KIAA1328: variants seen among roughly 807,000 people sequenced by gnomAD.
KIAA1328 encodes the protein KIAA1328.
Under a neutral mutation model 68.1 loss-of-function variants are expected in KIAA1328, and 52 were observed. The observed-to-expected ratio is 0.76, with a 90% CI of 0.61 to 0.96. The LOEUF (loss-of-function observed/expected upper bound fraction) is 0.96. Among genes scored for constraint, KIAA1328 ranks in the 40% least tolerant of loss-of-function variants. The pLI, the probability that KIAA1328 is intolerant of heterozygous loss-of-function variation, is 0.00. For synonymous variants in KIAA1328, 232 were observed against 239.4 expected (o/e 0.97, Z 0.28); for missense variants, 641 against 677.6 (o/e 0.95, Z 0.60).
At chr18:37,064,617 T>G (rs963134122) in intron 6 of KIAA1328, among the ~76,000 whole-genome samples, 10 of 146,018 alleles carry the variant, frequency 6.8e-5, no homozygotes, top group African/African-American at 2.3e-4. Flanking sequence ...TGCAAGAGAC[T>G]TTGCAGATGT....
intron 5 of KIAA1328, among the ~76,000 whole-genome samples, chr18:36,947,057 G>A (rs117084375): frequency 0.034 from 5,140 of 152,176 alleles, 110 homozygotes; most frequent in Middle Eastern, 0.085. Context: ...CCAGCTACTC[G>A]GGAGGCTGAA....
chr18:36,915,841 A>C (rs576693404), intron 5 of KIAA1328, among the ~76,000 whole-genome samples: 1 of 152,322 alleles, frequency 6.6e-6, no homozygotes, highest in Non-Finnish European at 1.5e-5. Context: ...TTCATCCTAC[A>C]GAAATGAAAA....
intron 9 of KIAA1328, among the ~76,000 whole-genome samples, chr18:37,209,264 G>A (rs904911519): frequency 2.0e-5 from 3 of 152,246 alleles, no homozygotes; most frequent in African/African-American, 4.8e-5. Flanking sequence ...AGTTGCCCAC[G>A]GAAGGTGCTG....
intron 6 of KIAA1328, among the ~76,000 whole-genome samples, chr18:37,006,271 T>C (rs2053778888): frequency 6.6e-6 from 1 of 152,080 alleles, no homozygotes; most frequent in African/African-American, 2.4e-5. Flanking sequence ...GGGTTTTTTT[T>C]TCCCAAAAGT....
At chr18:36,917,787 A>G (rs2049764661) in intron 5 of KIAA1328, among the ~76,000 whole-genome samples, 2 of 152,144 alleles carry the variant, frequency 1.3e-5, no homozygotes, top group African/African-American at 4.8e-5. Context: ...TTTCTGATTT[A>G]ACAACAGATA....
chr18:37,133,727 G>A lies in KIAA1328; in HGVS notation c.1233-26473G>A, dbSNP rs377284342. ...TTTTTAGTAGAGACAGGGTTTCACC[G>A]TGTTAGCCAGGATGGTCTCCATCCC... On this transcript the variant is annotated intron_variant, in intron 7 of 9. Transcript: ENST00000280020. Among the ~76,000 whole-genome samples, 16 of 151,848 alleles carry A rather than the reference G, an allele frequency of 1.1e-4. No homozygotes were observed. In the East Asian group the frequency reaches 1.2e-3, roughly 11 times the overall value.
At chr18:37,052,449 C>G (rs191535022) in intron 6 of KIAA1328, among the ~76,000 whole-genome samples, 240 of 152,138 alleles carry the variant, frequency 1.6e-3, no homozygotes, top group Admixed American at 2.4e-3. Flanking sequence ...GTATGTTCAC[C>G]TCACCATTCC....
chr18:37,011,221 G>T (rs951110939), intron 6 of KIAA1328, among the ~76,000 whole-genome samples: 1 of 152,102 alleles, frequency 6.6e-6, no homozygotes, highest in Admixed American at 6.6e-5. Context: ...GTGCATATGT[G>T]ATCTGTCCAC....
At chr18:37,202,319 C>G (rs1235292265) in intron 9 of KIAA1328, among the ~76,000 whole-genome samples, 3 of 152,124 alleles carry the variant, frequency 2.0e-5, no homozygotes, top group Non-Finnish European at 2.9e-5. Context: ...AATTCCTGCT[C>G]TGCTTTATAT....
At chr18:37,180,058 CCACACACACACACACACACA>C (rs139301794) in intron 9 of KIAA1328, among the ~76,000 whole-genome samples, 20 of 134,166 alleles carry the variant, frequency 1.5e-4, no homozygotes, top group South Asian at 2.7e-4. Flanking sequence ...GATTCAAAAG[CCACACACACACACACACACA>C]CACACACACA....
At chr18:37,139,747 T>C (rs1159476474) in intron 7 of KIAA1328, among the ~76,000 whole-genome samples, 1 of 152,218 alleles carries the variant, frequency 6.6e-6, no homozygotes, top group East Asian at 1.9e-4. Flanking sequence ...ATGAGACTTT[T>C]CCTCCAGTAA....
intron 7 of KIAA1328, among the ~76,000 whole-genome samples, chr18:37,090,244 A>G (rs987015779): frequency 2.0e-5 from 3 of 152,164 alleles, no homozygotes; most frequent in African/African-American, 7.2e-5. Context: ...ATATTTTAAA[A>G]ACAGTATTTT....
chr18:37,159,904 G>A (rs1298728821), intron 7 of KIAA1328, among the ~76,000 whole-genome samples: 2 of 152,102 alleles, frequency 1.3e-5, no homozygotes, highest in Non-Finnish European at 2.9e-5. Context: ...TATTTCTATA[G>A]ATAGCCTGGT....
intron 7 of KIAA1328, among the ~76,000 whole-genome samples, chr18:37,072,850 A>G (rs565083267): frequency 9.2e-5 from 14 of 152,036 alleles, no homozygotes; most frequent in Non-Finnish European, 1.8e-4. Context: ...ACTCCCACTT[A>G]TGAGTGAGAA....
At chr18:36,958,525 A>G (rs1260000056) in intron 5 of KIAA1328, among the ~76,000 whole-genome samples, 2 of 152,134 alleles carry the variant, frequency 1.3e-5, no homozygotes. Context: ...CTTTTTGGAT[A>G]TGGTCATCTT....
chr18:36,914,114 T>G (rs1246062766), intron 5 of KIAA1328, among the ~76,000 whole-genome samples: 2 of 152,190 alleles, frequency 1.3e-5, no homozygotes, highest in Non-Finnish European at 2.9e-5. Context: ...AACAAATTCT[T>G]AGGGCGATTT....
At chr18:36,837,287 T>C (rs561806881) in intron 3 of KIAA1328, among the ~76,000 whole-genome samples, 29 of 152,292 alleles carry the variant, frequency 1.9e-4, no homozygotes, top group African/African-American at 6.5e-4. Context: ...ATGGCCACCC[T>C]AGTGGGTGTG....
At position 37,132,221 on chromosome 18, in the gene KIAA1328, C is replaced by T. The variant is rs542653288; in HGVS notation, c.1233-27979C>T. Among the ~76,000 whole-genome samples the T allele has an allele frequency of 2.8e-4, 43 of 152,094 alleles. 1 individual carries two copies. Among genetic ancestry groups the T allele is most frequent in the South Asian group, 6.2e-4 (3 of 4,812 alleles). ...TATACTCATGGTCATATTGTGTATC[C>T]GAAAACAAAAGGTCTTGTAGCATGC... On this transcript the variant is annotated intron_variant, in intron 7 of 9. Transcript: ENST00000280020.
At chr18:37,116,400 A>G (rs1193864980) in intron 7 of KIAA1328, among the ~76,000 whole-genome samples, 3 of 152,022 alleles carry the variant, frequency 2.0e-5, no homozygotes, top group Non-Finnish European at 2.9e-5. Context: ...GACAAAAACA[A>G]GAAATGGGGA....
Sources: gnomAD v4.1 joint callset for allele counts (sites outside exome capture counted in the v4.1 genomes callset) on GRCh38, gnomAD v4.1.1 for gene constraint, MANE v1.5 for transcripts, NCBI Gene and HGNC (gene_info 2026-07-23, HGNC 2026-07-21) for gene names.